Variants in PARD3B observed in about 807,000 individuals in gnomAD.
The protein encoded by PARD3B is partitioning defective 3 homolog B.
PARD3B carries 103 observed loss-of-function variants against 130.2 expected under a neutral mutation model. That is an observed-to-expected ratio of 0.79 (90% CI 0.67 to 0.93). The LOEUF (loss-of-function observed/expected upper bound fraction) is 0.93. PARD3B is among the 40% of genes least tolerant of loss of function. The pLI, the probability that PARD3B is intolerant of heterozygous loss-of-function variation, is 0.00. For synonymous variants in PARD3B, 583 were observed against 553.2 expected (o/e 1.05, Z -0.76); for missense variants, 1,609 against 1,499.2 (o/e 1.07, Z -1.21).
At chr2:205,141,076 G>A (rs1358571715) in intron 10 of PARD3B, among the ~76,000 whole-genome samples, 2 of 152,082 alleles carry the variant, frequency 1.3e-5, no homozygotes, top group Non-Finnish European at 2.9e-5. Flanking sequence ...AATTGGTCAG[G>A]TGTCTCTTTT....
chr2:204,939,977 A>G (rs1448215347), intron 2 of PARD3B, among the ~76,000 whole-genome samples: 1 of 152,230 alleles, frequency 6.6e-6, no homozygotes, highest in Non-Finnish European at 1.5e-5. Context: ...TACTGTAGAA[A>G]CAAATTGGTA....
At chr2:205,466,527 T>C (rs1033670569) in intron 20 of PARD3B, among the ~76,000 whole-genome samples, 1 of 152,194 alleles carries the variant, frequency 6.6e-6, no homozygotes, top group Non-Finnish European at 1.5e-5. Context: ...TGAATTTCTT[T>C]CCTCAAGTGC....
intron 1 of PARD3B, among the ~76,000 whole-genome samples, chr2:204,553,242 A>G (rs2030602440): frequency 6.6e-6 from 1 of 152,164 alleles, no homozygotes; most frequent in South Asian, 2.1e-4. Flanking sequence ...GCCATCATCA[A>G]AAAATTTTAA....
chr2:204,881,290 T>G (rs1376445946), intron 2 of PARD3B, among the ~76,000 whole-genome samples: 2 of 152,194 alleles, frequency 1.3e-5, no homozygotes, highest in Non-Finnish European at 2.9e-5. Context: ...TTCAACAGTT[T>G]AATTATATTA....
chr2:205,264,437 G>C (rs2040427912), intron 16 of PARD3B, among the ~76,000 whole-genome samples: 1 of 151,066 alleles, frequency 6.6e-6, no homozygotes, highest in African/African-American at 2.4e-5. Context: ...AAAATTAGCA[G>C]CTGCATGGAA....
rs991701466 is a variant in PARD3B at position 205,509,680 on chromosome 2, G to A, written c.3180+9649G>A. ...TGTACTCCCAAACAGTAGTGTTAGA[G>A]CTATTCCTGATGCTCTGTTGCTACT... On this transcript the variant is annotated intron_variant, in intron 21 of 22. Transcript: ENST00000406610. 1.1e-4 allele frequency among the ~76,000 whole-genome samples: 16 copies of A among 152,352 alleles called. No homozygotes were observed. The East Asian group carries it at 2.9e-3, about 28-fold the overall frequency.
chr2:204,702,340 A>T (rs2037933756), intron 2 of PARD3B, among the ~76,000 whole-genome samples: 1 of 152,152 alleles, frequency 6.6e-6, no homozygotes, highest in Non-Finnish European at 1.5e-5. Context: ...AAGGTGGCTG[A>T]ACTAATTTGC....
At chr2:204,646,077 C>G (rs1462195141) in intron 1 of PARD3B, among the ~76,000 whole-genome samples, 1 of 152,010 alleles carries the variant, frequency 6.6e-6, no homozygotes, top group Non-Finnish European at 1.5e-5. Flanking sequence ...GACATATGTT[C>G]TTTCAATTAA....
intron 18 of PARD3B, among the ~76,000 whole-genome samples, chr2:205,342,583 G>A (rs2043584714): frequency 1.3e-5 from 2 of 152,130 alleles, no homozygotes; most frequent in African/African-American, 2.4e-5. Flanking sequence ...GCAACATGAG[G>A]TAGAGCAGCA....
chr2:205,220,862 G>A (rs865886931), intron 15 of PARD3B, among the ~76,000 whole-genome samples: 21 of 152,252 alleles, frequency 1.4e-4, no homozygotes, highest in South Asian at 6.2e-4. Flanking sequence ...CATGGTTTGC[G>A]TGTCCTAGGA....
rs1301805454 is a variant in PARD3B, at chr2:205,562,123, G to A, written c.3260+8720G>A. The stretch of plus-strand genomic sequence containing the variant: ...TAATATCACTTTAAGATGCCAAACA[G>A]CTGAGATCAGGGGGTTAATGCTACT... On this transcript the variant is annotated intron_variant, in intron 22 of 22. Coordinates refer to ENST00000406610, the MANE Select transcript of PARD3B (RefSeq NM_001302769.2). The surrounding 1 kb of genome is among the most constrained non-coding windows in gnomAD (Gnocchi z 5.4). Among the ~76,000 whole-genome samples the A allele has an allele frequency of 6.6e-6, 1 of 152,196 alleles. No individual in the cohort carries two copies. The highest frequency in any genetic ancestry group is 1.5e-5 in the Non-Finnish European group (1 of 68,034).
intron 3 of PARD3B, among the ~76,000 whole-genome samples, chr2:205,046,475 A>G (rs1177649303): frequency 7.3e-6 from 1 of 137,034 alleles, no homozygotes; most frequent in Non-Finnish European, 1.6e-5. Flanking sequence ...CTTATCATGA[A>G]AGAAGTTTTT....
At chr2:205,311,507 C>G (rs1032650324) in intron 18 of PARD3B, among the ~76,000 whole-genome samples, 1 of 152,192 alleles carries the variant, frequency 6.6e-6, no homozygotes, top group Non-Finnish European at 1.5e-5. Context: ...TCTTCCCCCT[C>G]TGGCTCCACT....
chr2:205,482,817 C>T (rs1282118579), intron 20 of PARD3B: 1 of 152,150 alleles, frequency 6.6e-6, no homozygotes, highest in East Asian at 1.9e-4. Context: ...GTACTGACGT[C>T]ACCATGCGGC....
rs140709214 is a variant in PARD3B, at chr2:205,021,926, A to C, written c.395-25655A>C. The stretch of plus-strand genomic sequence containing the variant: ...ACACCTTTTACTTTTATTAGGAGAA[A>C]ATGGAAAAGAAAATCCAAATACTCC... On this transcript the variant is annotated intron_variant, in intron 3 of 22. Coordinates refer to ENST00000406610, the MANE Select transcript of PARD3B (RefSeq NM_001302769.2). This position sits in a 1 kb window ranked among gnomAD's most constrained non-coding sequence, Gnocchi z 4.5. 1.9e-3 allele frequency among the ~76,000 whole-genome samples: 291 copies of C among 152,212 alleles called. 2 individuals are homozygous for C. Among genetic ancestry groups the C allele is most frequent in the African/African-American group, 6.7e-3 (279 of 41,522 alleles).
At chr2:205,172,180 T>C (rs1340856606) in intron 11 of PARD3B, 31 bp from the exon 12 acceptor site, 3 of 1,607,110 alleles carry the variant, frequency 1.9e-6, no homozygotes, top group Non-Finnish European at 2.6e-6. Flanking sequence ...CTTTTCTCTG[T>C]TGAATATTGT....
chr2:204,939,854 C>A (rs1411046067), intron 2 of PARD3B, among the ~76,000 whole-genome samples: 1 of 152,264 alleles, frequency 6.6e-6, no homozygotes, highest in Non-Finnish European at 1.5e-5. Flanking sequence ...TATTATCACA[C>A]CATTATTTCT....
In PARD3B at chr2:205,465,194, C is replaced by T. The variant is rs115746495; in HGVS notation, c.3044+24522C>T. Among the ~76,000 whole-genome samples, 595 of 152,254 alleles carry T rather than the reference C, an allele frequency of 3.9e-3. 1 individual carries two copies. Among genetic ancestry groups the T allele is most frequent in the African/African-American group, 0.014 (562 of 41,556 alleles). ...GCAGTGTTTTGATTTAAAATGAAAT[C>T]AGTAATTATTAAAAACAACTAACAC... On this transcript the variant is annotated intron_variant, in intron 20 of 22. Transcript: ENST00000406610.
At chr2:204,588,217 A>T (rs1275169180) in intron 1 of PARD3B, among the ~76,000 whole-genome samples, 2 of 152,164 alleles carry the variant, frequency 1.3e-5, no homozygotes, top group African/African-American at 4.8e-5. Context: ...TCTCTTGGTC[A>T]TGTCAGATTT....
Sources: gnomAD v4.1 joint callset for allele counts (sites outside exome capture counted in the v4.1 genomes callset) on GRCh38, gnomAD v4.1.1 for gene constraint, Gnocchi (gnomAD v3.1) non-coding constraint, MANE v1.5 for transcripts, NCBI Gene and HGNC (gene_info 2026-07-23, HGNC 2026-07-21) for gene names.